The following CDK14 variants were observed in gnomAD, a reference collection of about 807,000 sequenced individuals.
CDK14 encodes the protein cyclin dependent kinase 14, also known as cyclin-dependent kinase 14.
In CDK14, 34 loss-of-function variants were observed where a neutral mutation model predicts 60.7. The observed-to-expected ratio is 0.56, with a 90% CI of 0.43 to 0.75. The LOEUF (loss-of-function observed/expected upper bound fraction) is 0.75, where lower values mean the gene tolerates loss of function less well. CDK14 is among the 30% of genes least tolerant of loss of function. CDK14 has a pLI of 0.00. For synonymous variants in CDK14, 197 were observed against 203.7 expected (o/e 0.97, Z 0.28); for missense variants, 482 against 564.1 (o/e 0.85, Z 1.47).
intron 8 of CDK14, among the ~76,000 whole-genome samples, chr7:90,946,418 C>T (rs966856387): frequency 1.3e-5 from 2 of 151,994 alleles, no homozygotes; most frequent in Non-Finnish European, 2.9e-5. Context: ...GGCCTCTCCT[C>T]AAATAGAATG....
Position 90,915,300 on chromosome 7 carries a change from G to A in CDK14, c.703-2301G>A, listed in dbSNP as rs566660694. On this transcript the variant is annotated intron_variant, in intron 7 of 14. Coordinates refer to ENST00000380050, the MANE Select transcript of CDK14 (RefSeq NM_001287135.2). Reference sequence around the variant, plus strand: ...AAATAATACAAAAAATTAGCTGGGCGTGGTGGTGGGTGCCTGTAGTCCCTG... The same window carrying A: ...AAATAATACAAAAAATTAGCTGGGCATGGTGGTGGGTGCCTGTAGTCCCTG... 1.5e-3 allele frequency among the ~76,000 whole-genome samples: 234 copies of A among 152,272 alleles called. 1 individual carries two copies. Among genetic ancestry groups the A allele is most frequent in the African/African-American group, 5.4e-3 (223 of 41,562 alleles).
chr7:91,117,335 A>T (rs1317450388), intron 13 of CDK14, among the ~76,000 whole-genome samples: 1 of 151,626 alleles, frequency 6.6e-6, no homozygotes, highest in African/African-American at 2.4e-5. Context: ...CGCTGCCCTC[A>T]GTCACTCACC....
chr7:91,123,079 C>G (rs964288940), intron 14 of CDK14, among the ~76,000 whole-genome samples: 1 of 152,178 alleles, frequency 6.6e-6, no homozygotes, highest in African/African-American at 2.4e-5. Flanking sequence ...CAGGCAAGTA[C>G]AGAGAGAAAC....
rs1274728972 is a variant in CDK14 at position 91,108,872 on chromosome 7, A to T, written c.1155-3670A>T. Among the ~76,000 whole-genome samples, 3 of 152,234 alleles carry T rather than the reference A, an allele frequency of 2.0e-5. No homozygotes were observed. In the East Asian group the frequency reaches 5.8e-4, roughly 29 times the overall value. On this transcript the variant is annotated intron_variant, in intron 12 of 14. Transcript: ENST00000380050. ...CCAAAAAAGTCTTAAAGTTAATTTAATGTCTGCATTTGAGGTGCAACTTAA... is the reference window on the plus strand; with the variant it reads ...CCAAAAAAGTCTTAAAGTTAATTTATTGTCTGCATTTGAGGTGCAACTTAA...
chr7:90,727,855 T>A (rs1028729061), intron 3 of CDK14, among the ~76,000 whole-genome samples: 15 of 152,132 alleles, frequency 9.9e-5, no homozygotes, highest in Non-Finnish European at 1.8e-4. Flanking sequence ...TTTCTGAGAA[T>A]TTTTTCCTCC....
chr7:90,891,877 T>G (rs958726426), intron 6 of CDK14, among the ~76,000 whole-genome samples: 2 of 152,242 alleles, frequency 1.3e-5, no homozygotes, highest in Non-Finnish European at 1.5e-5. Context: ...AAAGTCTAGT[T>G]TGAAAGCCAA....
chr7:90,969,064 A>G (rs1794843881), intron 9 of CDK14, among the ~76,000 whole-genome samples: 1 of 152,198 alleles, frequency 6.6e-6, no homozygotes, highest in Non-Finnish European at 1.5e-5. Context: ...CTGCAAAGCT[A>G]CATTCCAGGG....
At chr7:91,007,800 C>T (rs1276974708) in intron 10 of CDK14, among the ~76,000 whole-genome samples, 1 of 150,332 alleles carries the variant, frequency 6.7e-6, no homozygotes, top group Non-Finnish European at 1.5e-5. Context: ...AAAAAAAAAA[C>T]AAAAATCCTG....
At chr7:91,164,283 G>A (rs1801272460) in intron 14 of CDK14, among the ~76,000 whole-genome samples, 1 of 152,140 alleles carries the variant, frequency 6.6e-6, no homozygotes, top group Non-Finnish European at 1.5e-5. Context: ...TAATTTTGTT[G>A]AGTGGAAATA....
intron 2 of CDK14, among the ~76,000 whole-genome samples, chr7:90,623,704 T>C (rs568098677): frequency 2.4e-4 from 36 of 152,340 alleles, no homozygotes; most frequent in African/African-American, 7.2e-4. Context: ...TTGAGCATCC[T>C]GAGCCATCCC....
At chr7:90,809,969 C>T (rs1327886809) in intron 5 of CDK14, among the ~76,000 whole-genome samples, 1 of 152,142 alleles carries the variant, frequency 6.6e-6, no homozygotes, top group Admixed American at 6.5e-5. Context: ...GAAGTTCAGT[C>T]AATAATTAAT....
chr7:91,192,659 C>T (rs1015605861), intron 14 of CDK14, among the ~76,000 whole-genome samples: 2 of 152,090 alleles, frequency 1.3e-5, no homozygotes, highest in Admixed American at 6.5e-5. Context: ...TTTATTTTCA[C>T]GTACTAAATA....
At chr7:90,999,873 C>T (rs574683447) in intron 10 of CDK14, among the ~76,000 whole-genome samples, 12 of 152,142 alleles carry the variant, frequency 7.9e-5, no homozygotes, top group African/African-American at 2.7e-4. Context: ...AGGTATTTTG[C>T]GGTTTACAAA....
At chr7:91,200,866 A>G (rs757607820) in intron 14 of CDK14, among the ~76,000 whole-genome samples, 16 of 152,220 alleles carry the variant, frequency 1.1e-4, no homozygotes, top group Non-Finnish European at 2.2e-4. Context: ...TGGGTAGAAT[A>G]ATTCATCCAA....
At chr7:91,029,193 C>T (rs1796685691) in intron 10 of CDK14, among the ~76,000 whole-genome samples, 1 of 152,102 alleles carries the variant, frequency 6.6e-6, no homozygotes, top group African/African-American at 2.4e-5. Context: ...TCTAAATTTT[C>T]CACTTTTATA....
intron 5 of CDK14, among the ~76,000 whole-genome samples, chr7:90,860,705 A>G (rs1333070367): frequency 2.0e-5 from 3 of 151,908 alleles, no homozygotes; most frequent in Non-Finnish European, 2.9e-5. Flanking sequence ...TTGTATTTTT[A>G]GTAGAGGCGG....
At chr7:90,922,083 T>C (rs867895455) in intron 8 of CDK14, among the ~76,000 whole-genome samples, 3 of 152,178 alleles carry the variant, frequency 2.0e-5, no homozygotes, top group East Asian at 1.9e-4. Flanking sequence ...GGATAAAAGC[T>C]TGTTAGTCCC....
intron 14 of CDK14, among the ~76,000 whole-genome samples, chr7:91,166,877 C>T (rs182259787): frequency 2.7e-4 from 41 of 152,274 alleles, no homozygotes; most frequent in African/African-American, 9.1e-4. Flanking sequence ...GAATCAATCA[C>T]CAGTGAGGGC....
Position 90,649,236 on chromosome 7 carries a change from G to GTTTC in CDK14, c.123+45060_123+45063dup, listed in dbSNP as rs1167505193. 1.2e-3 allele frequency among the ~76,000 whole-genome samples: 140 copies of GTTTC among 118,802 alleles called. 1 individual carries two copies. The highest frequency in any genetic ancestry group is 3.3e-3 in the East Asian group (11 of 3,332). 77.9% of individuals were successfully genotyped at this position (118,802 alleles called of 152,430 possible). On this transcript the variant is annotated intron_variant, in intron 2 of 14. Transcript: ENST00000380050. ...GAGTCAGCAACAGCTCTAGCCTATA[G>GTTTC]TTTCTTTCTTTCTTTCTTTCTTTCT...
Sources: allele counts gnomAD v4.1 joint callset (sites outside exome capture counted in the v4.1 genomes callset), GRCh38; gene constraint gnomAD v4.1.1; transcripts MANE v1.5; gene names NCBI Gene and HGNC (gene_info 2026-07-23, HGNC 2026-07-21).